PPA2: variants seen among roughly 807,000 people sequenced by gnomAD.
PPA2 encodes the protein inorganic pyrophosphatase 2, mitochondrial.
PPA2 carries 48 observed loss-of-function variants against 49.5 expected under a neutral mutation model. That is an observed-to-expected ratio of 0.97 (90% CI 0.77 to 1.23). The LOEUF is 1.23. Among genes scored for constraint, PPA2 ranks in the 50% most tolerant of loss-of-function variants. The probability of loss-of-function intolerance (pLI) is 0.00; values close to 1 mark genes in which losing one functional copy is unlikely to be tolerated. For synonymous variants in PPA2, 131 were observed against 139.9 expected (o/e 0.94, Z 0.45); for missense variants, 429 against 410.1 (o/e 1.05, Z -0.40).
intron 3 of PPA2, among the ~76,000 whole-genome samples, chr4:105,452,151 G>A (rs1443843703): frequency 1.3e-5 from 2 of 152,168 alleles, no homozygotes; most frequent in Non-Finnish European, 2.9e-5. Flanking sequence ...ATGGGGAAAA[G>A]ACAGGAAGAA....
chr4:105,396,549 A>G (rs1734156379), intron 8 of PPA2, among the ~76,000 whole-genome samples: 2 of 152,160 alleles, frequency 1.3e-5, no homozygotes, highest in African/African-American at 4.8e-5. Flanking sequence ...TTCATCTATG[A>G]AGTAGAATAT....
intron 9 of PPA2, among the ~76,000 whole-genome samples, chr4:105,388,279 T>A (rs1217884359): frequency 1.3e-5 from 2 of 152,154 alleles, no homozygotes; most frequent in African/African-American, 4.8e-5. Context: ...GTATTTTTCA[T>A]CTGTTAAATC....
chr4:105,442,746 G>A (rs1724424887), intron 5 of PPA2, among the ~76,000 whole-genome samples: 1 of 152,152 alleles, frequency 6.6e-6, no homozygotes, highest in South Asian at 2.1e-4. Context: ...ATGGTATACT[G>A]ATGAATCACA....
chr4:105,473,982 A>T lies in PPA2; in HGVS notation c.69T>A (p.Ser23Arg). 1.2e-6 allele frequency: 2 copies of T among 1,610,038 alleles called. No homozygotes were observed. The highest frequency in any genetic ancestry group is 3.3e-5 in the Admixed American group (2 of 59,782). The change falls in exon 1 of 12, where the codon AGT becomes AGA. Residue 23 changes from serine (S) to arginine (R), a missense_variant. Transcript: ENST00000341695. ...TAGCACGGCGCGACCCGGTCCCTGC[A>T]CTGGTCCCCAACCGCAGGCACGCAG... ...PAAACLRLGTSAGTGSRRAMA... is the reference protein window; with the variant it reads ...PAAACLRLGTRAGTGSRRAMA...
intron 11 of PPA2, among the ~76,000 whole-genome samples, chr4:105,370,003 G>T (rs543859629): frequency 6.6e-6 from 1 of 152,194 alleles, no homozygotes; most frequent in East Asian, 1.9e-4. Context: ...TTTATTTCTT[G>T]TATCTTTCTG....
intron 1 of PPA2, among the ~76,000 whole-genome samples, chr4:105,468,060 A>C (rs11943629): frequency 0.024 from 3,596 of 152,346 alleles, 136 homozygotes; most frequent in African/African-American, 0.077. Context: ...TTTATGGGCC[A>C]AATCTGTCAC....
intron 4 of PPA2, among the ~76,000 whole-genome samples, chr4:105,448,901 G>A (rs182355883): frequency 1.3e-3 from 191 of 152,070 alleles, no homozygotes; most frequent in African/African-American, 4.5e-3. Flanking sequence ...ACTTAGCTTT[G>A]AGTATTTTTC....
intron 1 of PPA2, 128 bp from the exon 2 acceptor site, chr4:105,456,873 C>A: frequency 1.6e-6 from 1 of 641,210 alleles, no homozygotes; most frequent in Non-Finnish European, 2.4e-6. Flanking sequence ...ACTTTAACTC[C>A]CAACTTAAAG....
At chr4:105,473,221 A>AC (rs58616324) in intron 1 of PPA2, 8 of 164,794 alleles carry the variant, frequency 4.9e-5, no homozygotes, top group South Asian at 1.3e-4. Flanking sequence ...CAACTCAGGG[A>AC]CCCCCCCGAA....
At chr4:105,383,968 A>G (rs1733592255) in intron 10 of PPA2, among the ~76,000 whole-genome samples, 1 of 152,178 alleles carries the variant, frequency 6.6e-6, no homozygotes, top group African/African-American at 2.4e-5. Flanking sequence ...ATGAAGAGAC[A>G]TGGAAATATA....
At chr4:105,455,816 T>C (rs1177593371) in intron 2 of PPA2, among the ~76,000 whole-genome samples, 1 of 152,168 alleles carries the variant, frequency 6.6e-6, no homozygotes, top group Non-Finnish European at 1.5e-5. Context: ...TCTGCCCCTA[T>C]ATTGATCACC....
At chr4:105,469,701 C>T (rs1030098758) in intron 1 of PPA2, among the ~76,000 whole-genome samples, 3 of 152,108 alleles carry the variant, frequency 2.0e-5, no homozygotes, top group Non-Finnish European at 2.9e-5. Context: ...ATATAGAAAA[C>T]GTTTAAGGTT....
intron 10 of PPA2, among the ~76,000 whole-genome samples, chr4:105,372,055 C>T (rs149029572): frequency 3.9e-5 from 6 of 152,284 alleles, no homozygotes; most frequent in African/African-American, 7.2e-5. Context: ...GGTACAAAGT[C>T]CATAGAGTCA....
chr4:105,424,184 T>C lies in PPA2; in HGVS notation c.655+12A>G, dbSNP rs1005803792. ...TAATTTGCTTTCACTTTCTGGAAAG[T>C]AACAGTCTTACCATGAAACTTTGAG... is the stretch of plus-strand genomic sequence containing the variant. On this transcript the variant is annotated intron_variant, in intron 7 of 11. Transcript: ENST00000341695. 5.0e-6 allele frequency: 8 copies of C among 1,595,332 alleles called. No individual in the cohort carries two copies. In the African/African-American group the frequency reaches 5.4e-5, roughly 11 times the overall value.
chr4:105,393,246 C>T (rs543203362), intron 9 of PPA2, among the ~76,000 whole-genome samples: 22 of 152,028 alleles, frequency 1.4e-4, no homozygotes, highest in Non-Finnish European at 2.9e-4. Flanking sequence ...GTAATCCCAG[C>T]ACTTTGGGAG....
In PPA2 at chr4:105,394,852, CA is replaced by C. The variant is rs933907834; in HGVS notation, c.869+1396del. The stretch of plus-strand genomic sequence containing the variant: ...GAAAGTGATTAGGAAGGAGATAAGA[CA>C]GCAAAGAGCAAGCAAATATTTCCTC... On this transcript the variant is annotated intron_variant, in intron 9 of 11. Coordinates refer to ENST00000341695, the MANE Select transcript of PPA2 (RefSeq NM_176869.3). Among the ~76,000 whole-genome samples, 84 of 152,188 alleles carry C rather than the reference CA, an allele frequency of 5.5e-4. 1 individual carries two copies. Among genetic ancestry groups the C allele is most frequent in the African/African-American group, 1.9e-3 (80 of 41,536 alleles).
At chr4:105,404,202 A>G (rs1722352989) in intron 7 of PPA2, among the ~76,000 whole-genome samples, 2 of 152,038 alleles carry the variant, frequency 1.3e-5, no homozygotes, top group African/African-American at 2.4e-5. Flanking sequence ...AGAAAATGTT[A>G]AGAAATTTTA....
At chr4:105,405,763 A>C in intron 7 of PPA2, 2 of 634,082 alleles carry the variant, frequency 3.2e-6, no homozygotes, top group Non-Finnish European at 5.0e-6. Flanking sequence ...AAGACTCAAA[A>C]ACAAGATAAG....
At chr4:105,453,878 C>G in intron 2 of PPA2, 1 of 364,042 alleles carries the variant, frequency 2.7e-6, no homozygotes, top group Non-Finnish European at 4.9e-6. Flanking sequence ...AAACCTCTTT[C>G]ACGTATATTT....
Sources: gnomAD v4.1 joint callset for allele counts (sites outside exome capture counted in the v4.1 genomes callset) on GRCh38, gnomAD v4.1.1 for gene constraint, MANE v1.5 for transcripts, NCBI Gene and HGNC (gene_info 2026-07-23, HGNC 2026-07-21) for gene names.